Variants in SAMD3 observed in about 807,000 individuals in gnomAD.
SAMD3 encodes sterile alpha motif domain-containing protein 3.
A neutral mutation model predicts 58.5 loss-of-function variants in SAMD3; 63 were observed. The ratio of observed to expected loss-of-function variants is 1.08; its 90% CI spans 0.88 to 1.33. The LOEUF (loss-of-function observed/expected upper bound fraction) is 1.33, where lower values mean the gene tolerates loss of function less well. Among genes scored for constraint, SAMD3 ranks in the 40% most tolerant of loss-of-function variants. SAMD3 has a pLI of 0.00. For missense variants in SAMD3, 604 were observed against 608.4 expected, an observed-to-expected ratio of 0.99 and a Z score of 0.08; for synonymous variants, 220 against 210.3, an observed-to-expected ratio of 1.05 and a Z score of -0.40.
At chr6:130,311,945 C>T (rs1327862362) in intron 2 of SAMD3, among the ~76,000 whole-genome samples, 4 of 152,068 alleles carry the variant, frequency 2.6e-5, no homozygotes, top group Admixed American at 2.0e-4. Flanking sequence ...AAGGAGCCTG[C>T]CTGAAACCAG....
At chr6:130,265,177 A>C (rs1774296034) in intron 2 of SAMD3, among the ~76,000 whole-genome samples, 1 of 152,034 alleles carries the variant, frequency 6.6e-6, no homozygotes, top group African/African-American at 2.4e-5. Context: ...AACACCCTAA[A>C]CCCCGCCACC....
intron 9 of SAMD3, among the ~76,000 whole-genome samples, chr6:130,154,312 C>G (rs1348519451): frequency 1.3e-5 from 2 of 150,766 alleles, no homozygotes; most frequent in Non-Finnish European, 3.0e-5. Flanking sequence ...TCCTGAAATT[C>G]CTATCAAATG....
chr6:130,215,764 T>G, intron 2 of SAMD3: 1 of 1,516,670 alleles, frequency 6.6e-7, no homozygotes, highest in Non-Finnish European at 8.8e-7. Flanking sequence ...AGATACTTAG[T>G]AAACTGGTTA....
chr6:130,338,279 G>A (rs575209242), intron 1 of SAMD3, among the ~76,000 whole-genome samples: 1 of 152,344 alleles, frequency 6.6e-6, no homozygotes, highest in East Asian at 1.9e-4. Context: ...ACGAGATTTG[G>A]GAACTTCTGC....
At chr6:130,284,788 C>T (rs1411096612) in intron 2 of SAMD3, among the ~76,000 whole-genome samples, 2 of 151,990 alleles carry the variant, frequency 1.3e-5, no homozygotes, top group East Asian at 1.9e-4. Context: ...GGTTACTACG[C>T]GTTGATAAAA....
intron 1 of SAMD3, chr6:130,221,918 A>G (rs539457308): frequency 6.6e-6 from 1 of 152,364 alleles, no homozygotes; most frequent in Non-Finnish European, 1.5e-5. Flanking sequence ...AATCTACATT[A>G]TTTGTAATAA....
At chr6:130,311,025 G>T (rs1535281) in intron 2 of SAMD3, among the ~76,000 whole-genome samples, 1 of 151,686 alleles carries the variant, frequency 6.6e-6, no homozygotes, top group Admixed American at 6.6e-5. Context: ...TGGATGTATG[G>T]CTCCAGCGCT....
chr6:130,324,569 C>G (rs550800329), intron 1 of SAMD3, among the ~76,000 whole-genome samples: 1 of 152,282 alleles, frequency 6.6e-6, no homozygotes, highest in East Asian at 1.9e-4. Flanking sequence ...TTTGTATCAG[C>G]TTACTCTACT....
At chr6:130,251,959 A>G (rs1468491407) in intron 2 of SAMD3, among the ~76,000 whole-genome samples, 1 of 147,832 alleles carries the variant, frequency 6.8e-6, no homozygotes, top group African/African-American at 2.5e-5. Flanking sequence ...TTTTTTTTTT[A>G]TTGAACTTCT....
intron 2 of SAMD3, among the ~76,000 whole-genome samples, chr6:130,303,103 T>C (rs1247235375): frequency 5.3e-5 from 8 of 152,106 alleles, no homozygotes; most frequent in Admixed American, 5.2e-4. Context: ...TTCCTAGAGG[T>C]GATCGACTGT....
chr6:130,221,089 T>G (rs35135398), intron 1 of SAMD3, among the ~76,000 whole-genome samples: 1 of 151,884 alleles, frequency 6.6e-6, no homozygotes. Flanking sequence ...CTCCTGACCT[T>G]GTGATCTGCC....
At chr6:130,235,119 A>T (rs946035664) in intron 2 of SAMD3, among the ~76,000 whole-genome samples, 2 of 152,202 alleles carry the variant, frequency 1.3e-5, no homozygotes, top group Non-Finnish European at 2.9e-5. Flanking sequence ...TGTCTCAAAA[A>T]AAAGGAAATA....
At chr6:130,346,321 G>A (rs1259885219) in intron 1 of SAMD3, among the ~76,000 whole-genome samples, 1 of 152,230 alleles carries the variant, frequency 6.6e-6, no homozygotes, top group African/African-American at 2.4e-5. Flanking sequence ...CCCTTTCCTA[G>A]TCAAAGAAAA....
rs191837252 is a variant in SAMD3, at chr6:130,222,289, C to T, written c.-68+405G>A. On this transcript the variant is annotated intron_variant, in intron 1 of 11. Coordinates refer to ENST00000439090, the MANE Select transcript of SAMD3 (RefSeq NM_001017373.4). ...AAAGATGTGTGCCATAGCAATGGTCCGAATAGCAAATAAATTGGACAGATA... is the reference window on the plus strand; with the variant it reads ...AAAGATGTGTGCCATAGCAATGGTCTGAATAGCAAATAAATTGGACAGATA... Among the ~76,000 whole-genome samples, 467 of 152,050 alleles carry T rather than the reference C, an allele frequency of 3.1e-3. 1 individual carries two copies. The highest frequency in any genetic ancestry group is 4.9e-3 in the Non-Finnish European group (333 of 67,990).
intron 4 of SAMD3, among the ~76,000 whole-genome samples, chr6:130,211,578 C>T (rs566076831): frequency 4.6e-5 from 7 of 152,210 alleles, no homozygotes; most frequent in South Asian, 2.1e-4. Flanking sequence ...CCCACCACGC[C>T]GAGCTGCCAA....
intron 8 of SAMD3, among the ~76,000 whole-genome samples, chr6:130,169,861 G>T (rs902274751): frequency 2.6e-5 from 4 of 152,168 alleles, no homozygotes; most frequent in African/African-American, 4.8e-5. Flanking sequence ...GGGGACAACT[G>T]CTGGGGACAA....
chr6:130,185,520 A>C (rs62431168), intron 5 of SAMD3, among the ~76,000 whole-genome samples: 1 of 149,996 alleles, frequency 6.7e-6, no homozygotes, highest in African/African-American at 2.5e-5. Flanking sequence ...GTAGAGATGG[A>C]GTTTCACCAT....
At chr6:130,305,654 G>C (rs1448376332) in intron 2 of SAMD3, among the ~76,000 whole-genome samples, 2 of 152,166 alleles carry the variant, frequency 1.3e-5, no homozygotes, top group African/African-American at 4.8e-5. Flanking sequence ...AGTCTGTAAA[G>C]AAGGTCATAT....
At chr6:130,215,612 G>A in intron 2 of SAMD3, 1 of 1,388,232 alleles carries the variant, frequency 7.2e-7, no homozygotes, top group Non-Finnish European at 9.3e-7. Flanking sequence ...ACCCAATCCT[G>A]TACCATTAAC....
Sources: allele counts gnomAD v4.1 joint callset (sites outside exome capture counted in the v4.1 genomes callset), GRCh38; gene constraint gnomAD v4.1.1; transcripts MANE v1.5; gene names NCBI Gene and HGNC (gene_info 2026-07-23, HGNC 2026-07-21).